Variants in SOX5 observed in about 807,000 individuals in gnomAD.
The protein encoded by SOX5 is SRY-box transcription factor 5, also known as transcription factor SOX-5.
A neutral mutation model predicts 92.0 loss-of-function variants in SOX5; 9 were observed. The observed-to-expected ratio is 0.10, with a 90% CI of 0.06 to 0.17. The LOEUF (loss-of-function observed/expected upper bound fraction) is 0.17, where lower values mean the gene tolerates loss of function less well. Ranked by LOEUF, SOX5 falls within the 10% of genes least tolerant of loss-of-function variation. SOX5 has a pLI of 1.00. For missense variants in SOX5, 642 were observed against 944.5 expected, an observed-to-expected ratio of 0.68 and a Z score of 4.20; for synonymous variants, 344 against 336.3, an observed-to-expected ratio of 1.02 and a Z score of -0.25.
chr12:23,928,258 C>T (rs1362741423), intron 1 of SOX5, among the ~76,000 whole-genome samples: 1 of 152,058 alleles, frequency 6.6e-6, no homozygotes, highest in Non-Finnish European at 1.5e-5. Context: ...ACCAGGATCT[C>T]AGAGATTCAA....
intron 4 of SOX5, among the ~76,000 whole-genome samples, chr12:24,030,982 A>G (rs983898115): frequency 6.6e-6 from 1 of 151,920 alleles, no homozygotes; most frequent in African/African-American, 2.4e-5. Context: ...GCAAATTAAA[A>G]CTACAATGAG....
At chr12:24,457,143 CACT>C (rs1031950292) in intron 1 of SOX5, among the ~76,000 whole-genome samples, 1 of 152,142 alleles carries the variant, frequency 6.6e-6, no homozygotes, top group Admixed American at 6.5e-5. Flanking sequence ...GAGTTCTCAA[CACT>C]ACATTTTAAA....
intron 3 of SOX5, among the ~76,000 whole-genome samples, chr12:24,239,459 T>A (rs1025286714): frequency 6.6e-6 from 1 of 152,228 alleles, no homozygotes; most frequent in African/African-American, 2.4e-5. Context: ...AGACTTAATC[T>A]TGGCCTGGTG....
chr12:24,541,255 G>A (rs1263977680), intron 1 of SOX5, among the ~76,000 whole-genome samples: 1 of 152,212 alleles, frequency 6.6e-6, no homozygotes, highest in African/African-American at 2.4e-5. Context: ...GCACAGCCTT[G>A]AAAACTACTA....
At chr12:23,813,619 G>C (rs1252408629) in intron 3 of SOX5, among the ~76,000 whole-genome samples, 2 of 152,130 alleles carry the variant, frequency 1.3e-5, no homozygotes, top group Non-Finnish European at 2.9e-5. Context: ...TCTTCAGCAA[G>C]TAAGTGCTTA....
intron 6 of SOX5, among the ~76,000 whole-genome samples, chr12:23,709,327 A>C (rs920667167): frequency 6.6e-6 from 1 of 151,712 alleles, no homozygotes; most frequent in South Asian, 2.1e-4. Context: ...CTGGTCTCAC[A>C]CTCCTGGGCT....
At chr12:24,197,935 C>A (rs1343484806) in intron 4 of SOX5, among the ~76,000 whole-genome samples, 1 of 152,010 alleles carries the variant, frequency 6.6e-6, no homozygotes, top group South Asian at 2.1e-4. Context: ...TGCTCTTAGA[C>A]ACACACTCTC....
chr12:23,789,223 T>C (rs1011788624), intron 3 of SOX5, among the ~76,000 whole-genome samples: 3 of 116,182 alleles, frequency 2.6e-5, no homozygotes, highest in Admixed American at 8.7e-5. Context: ...TTCTGATCCT[T>C]TCTTTGAAAT....
chr12:24,245,551 G>T (rs1938521061), intron 3 of SOX5, among the ~76,000 whole-genome samples: 1 of 152,032 alleles, frequency 6.6e-6, no homozygotes, highest in Admixed American at 6.6e-5. Context: ...ACACAAATAG[G>T]CAGACGGGGT....
At chr12:23,825,962 T>C (rs995092020) in intron 3 of SOX5, among the ~76,000 whole-genome samples, 1 of 152,172 alleles carries the variant, frequency 6.6e-6, no homozygotes, top group Admixed American at 6.6e-5. Context: ...ATCCGGTAAG[T>C]GAAAAGGCTG....
intron 4 of SOX5, among the ~76,000 whole-genome samples, chr12:24,161,056 G>C (rs1172477958): frequency 6.6e-6 from 1 of 151,952 alleles, no homozygotes; most frequent in Non-Finnish European, 1.5e-5. Context: ...TATTTGTTGG[G>C]GACATTCCAC....
At chr12:23,621,620 T>C (rs538196335) in intron 8 of SOX5, among the ~76,000 whole-genome samples, 45 of 152,180 alleles carry the variant, frequency 3.0e-4, no homozygotes, top group African/African-American at 1.0e-3. Context: ...GGGGAAGAAA[T>C]ATTGTGATTT....
intron 4 of SOX5, among the ~76,000 whole-genome samples, chr12:24,153,528 A>G (rs1593679685): frequency 1.3e-5 from 2 of 152,300 alleles, no homozygotes; most frequent in African/African-American, 2.4e-5. Context: ...TATTGGAAGT[A>G]GTAAACTTAT....
At chr12:24,342,898 C>CCTATCACTTCTCAATAG (rs1330742621) in intron 2 of SOX5, among the ~76,000 whole-genome samples, 2 of 152,182 alleles carry the variant, frequency 1.3e-5, no homozygotes, top group Non-Finnish European at 2.9e-5. Flanking sequence ...ATTTTCTAGC[C>CCTATCACTTCTCAATAG]CTATCACTTC....
intron 3 of SOX5, among the ~76,000 whole-genome samples, chr12:23,782,613 A>T (rs923104606): frequency 2.6e-5 from 4 of 152,138 alleles, no homozygotes; most frequent in Non-Finnish European, 5.9e-5. Flanking sequence ...CTATTGTTGA[A>T]GGTGCATTTA....
chr12:24,083,318 T>G (rs1285004673), intron 4 of SOX5, among the ~76,000 whole-genome samples: 1 of 151,982 alleles, frequency 6.6e-6, no homozygotes, highest in Non-Finnish European at 1.5e-5. Context: ...AAAGACCAAA[T>G]ATATATAATC....
At chr12:24,057,950 C>A (rs1200605674) in intron 4 of SOX5, among the ~76,000 whole-genome samples, 2 of 152,170 alleles carry the variant, frequency 1.3e-5, no homozygotes, top group African/African-American at 2.4e-5. Context: ...GAAAAATACA[C>A]AAAATAATCC....
intron 2 of SOX5, among the ~76,000 whole-genome samples, chr12:23,868,466 T>C (rs539539218): frequency 6.6e-6 from 1 of 152,278 alleles, no homozygotes; most frequent in Middle Eastern, 3.4e-3. Context: ...TCATTTCTCA[T>C]ACTCTTCAGA....
At chr12:24,521,514 C>T (rs1281817149) in intron 1 of SOX5, among the ~76,000 whole-genome samples, 1 of 152,158 alleles carries the variant, frequency 6.6e-6, no homozygotes, top group African/African-American at 2.4e-5. Flanking sequence ...ACATTCTTCT[C>T]GAGCAAATGT....
Sources: allele counts gnomAD v4.1 joint callset (sites outside exome capture counted in the v4.1 genomes callset), GRCh38; gene constraint gnomAD v4.1.1; transcripts MANE v1.5; gene names NCBI Gene and HGNC (gene_info 2026-07-23, HGNC 2026-07-21).